Variants in CEP63 observed in about 807,000 individuals in gnomAD.
CEP63 encodes the protein centrosomal protein of 63 kDa.
A neutral mutation model predicts 89.1 loss-of-function variants in CEP63; 84 were observed. That is an observed-to-expected ratio of 0.94 (90% CI 0.79 to 1.13). CEP63 has a LOEUF of 1.13. CEP63 is among the 50% of genes most tolerant of loss of function. The pLI is 0.00. For synonymous variants in CEP63, 267 were observed against 272.5 expected (o/e 0.98, Z 0.20); for missense variants, 838 against 813.3 (o/e 1.03, Z -0.37).
At chr3:134,557,464 A>G in intron 12 of CEP63, among the ~76,000 whole-genome samples, 1 of 148,412 alleles carries the variant, frequency 6.7e-6, no homozygotes, top group East Asian at 2.0e-4. Flanking sequence ...ACTTTGCATA[A>G]TACTAATTAA....
At chr3:134,679,406 G>T in the CEP63 span, among the ~76,000 whole-genome samples, 1 of 152,318 alleles carries the variant, frequency 6.6e-6, no homozygotes, top group Admixed American at 6.5e-5. Context: ...GAGCAGAGCT[G>T]CAGTGGAGCA....
the CEP63 span, among the ~76,000 whole-genome samples, chr3:134,594,400 T>A: frequency 6.6e-5 from 10 of 152,178 alleles, no homozygotes; most frequent in African/African-American, 1.2e-4. Context: ...GGCGAAATGA[T>A]GGCTGATTCG....
downstream of CEP63, among the ~76,000 whole-genome samples, chr3:134,578,338 T>TGTTTGTTTG (rs1553798199): frequency 2.2e-5 from 3 of 137,828 alleles, no homozygotes; most frequent in Non-Finnish European, 3.1e-5. Flanking sequence ...TTTTTTTTTT[T>TGTTTGTTTG]TTTTTTTTTG....
At chr3:134,754,215 C>T in the CEP63 span, among the ~76,000 whole-genome samples, 1 of 152,318 alleles carries the variant, frequency 6.6e-6, no homozygotes, top group South Asian at 2.1e-4. Context: ...CGAAGTGGTG[C>T]CATAGCCTCA....
the CEP63 span, among the ~76,000 whole-genome samples, chr3:134,594,254 C>T: frequency 5.3e-5 from 8 of 152,180 alleles, no homozygotes; most frequent in Non-Finnish European, 1.0e-4. Context: ...ATCTGCACTT[C>T]GTCAGTCATT....
the CEP63 span, among the ~76,000 whole-genome samples, chr3:134,716,486 G>A: frequency 1.3e-5 from 2 of 152,170 alleles, no homozygotes; most frequent in East Asian, 3.8e-4. Context: ...ATCTGTATAT[G>A]GTGGATATTT....
the CEP63 span, among the ~76,000 whole-genome samples, chr3:134,697,496 G>T: frequency 2.0e-5 from 3 of 152,174 alleles, no homozygotes; most frequent in East Asian, 5.8e-4. Context: ...TCCCACTTTA[G>T]AAAGAGGTAT....
chr3:134,504,008 G>T (rs1357901294), intron 2 of CEP63, among the ~76,000 whole-genome samples: 1 of 151,952 alleles, frequency 6.6e-6, no homozygotes, highest in African/African-American at 2.4e-5. Context: ...AGATAGGTGA[G>T]GACTTAACTC....
At chr3:134,674,786 C>T in the CEP63 span, among the ~76,000 whole-genome samples, 7 of 151,804 alleles carry the variant, frequency 4.6e-5, no homozygotes, top group African/African-American at 1.7e-4. Context: ...GTGAACATTC[C>T]AAGAATGAAA....
the CEP63 span, among the ~76,000 whole-genome samples, chr3:134,738,087 A>G: frequency 5.3e-5 from 8 of 152,200 alleles, no homozygotes; most frequent in Admixed American, 4.6e-4. Flanking sequence ...GCAAAATAAA[A>G]TTGTGATTAG....
At chr3:134,761,146 C>T in the CEP63 span, among the ~76,000 whole-genome samples, 1 of 152,140 alleles carries the variant, frequency 6.6e-6, no homozygotes, top group East Asian at 1.9e-4. Flanking sequence ...GGGGTGATTC[C>T]TCTGCACATC....
At chr3:134,490,336 T>C (rs530005027) in intron 1 of CEP63, among the ~76,000 whole-genome samples, 2 of 152,110 alleles carry the variant, frequency 1.3e-5, no homozygotes, top group Non-Finnish European at 2.9e-5. Flanking sequence ...TTAATAGAAT[T>C]AGTTTTTTTT....
intron 1 of CEP63, among the ~76,000 whole-genome samples, chr3:134,487,329 A>T (rs1935929419): frequency 6.6e-6 from 1 of 152,352 alleles, no homozygotes; most frequent in Admixed American, 6.5e-5. Context: ...TCAGGGTAGT[A>T]AAAAGCTCTG....
At chr3:134,507,493 T>G (rs997106678) in intron 3 of CEP63, among the ~76,000 whole-genome samples, 2 of 152,208 alleles carry the variant, frequency 1.3e-5, no homozygotes, top group Admixed American at 6.5e-5. Context: ...TCATTTTACC[T>G]TGGTTACATA....
At chr3:134,527,097 G>A (rs1171145236) in intron 3 of CEP63, among the ~76,000 whole-genome samples, 5 of 152,330 alleles carry the variant, frequency 3.3e-5, no homozygotes, top group African/African-American at 1.2e-4. Flanking sequence ...TGTGCCAGCA[G>A]CAGTGGTAGC....
At chr3:134,650,471 C>G in the CEP63 span, among the ~76,000 whole-genome samples, 3 of 152,166 alleles carry the variant, frequency 2.0e-5, no homozygotes, top group East Asian at 5.8e-4. Flanking sequence ...CCTCTGCTAC[C>G]CATGAGTCAG....
the CEP63 span, among the ~76,000 whole-genome samples, chr3:134,644,357 A>C: frequency 5.3e-5 from 8 of 152,210 alleles, no homozygotes; most frequent in Admixed American, 2.0e-4. Flanking sequence ...GCCATAGGCC[A>C]AGAAGCGGGA....
chr3:134,524,712 T>G (rs1208803967), intron 3 of CEP63, among the ~76,000 whole-genome samples: 1 of 152,242 alleles, frequency 6.6e-6, no homozygotes, highest in East Asian at 1.9e-4. Flanking sequence ...GAGCCAACCT[T>G]GCATCCTAGG....
At chr3:134,580,748 A>T (rs942412378) in intron 10 of CEP63, among the ~76,000 whole-genome samples, 2 of 152,234 alleles carry the variant, frequency 1.3e-5, no homozygotes, top group African/African-American at 4.8e-5. Context: ...CAAGGTTGAT[A>T]TAACATTTGA....
Sources: gnomAD v4.1 joint callset for allele counts (sites outside exome capture counted in the v4.1 genomes callset) on GRCh38, gnomAD v4.1.1 for gene constraint, MANE v1.5 for transcripts, NCBI Gene and HGNC (gene_info 2026-07-23, HGNC 2026-07-21) for gene names.